The following MAGI2 variants were observed in gnomAD, a reference collection of about 807,000 sequenced individuals.
MAGI2 encodes the protein membrane-associated guanylate kinase, WW and PDZ domain-containing protein 2.
Under a neutral mutation model 133.3 loss-of-function variants are expected in MAGI2, and 35 were observed. That is an observed-to-expected ratio of 0.26 (90% CI 0.20 to 0.35). The LOEUF is 0.35. Among genes scored for constraint, MAGI2 ranks in the 10% least tolerant of loss-of-function variants. The probability of loss-of-function intolerance (pLI) is 1.00; values close to 1 mark genes in which losing one functional copy is unlikely to be tolerated. For missense variants in MAGI2, 1,636 were observed against 1,863.4 expected (o/e 0.88, Z 2.25); for synonymous variants, 729 against 710.6 (o/e 1.03, Z -0.41).
chr7:79,259,078 G>C (rs942841364), intron 1 of MAGI2, among the ~76,000 whole-genome samples: 4 of 152,146 alleles, frequency 2.6e-5, no homozygotes, highest in Non-Finnish European at 4.4e-5. Context: ...TACGTCTTTG[G>C]AAAGATCACC....
intron 4 of MAGI2, among the ~76,000 whole-genome samples, chr7:78,515,603 A>G (rs115093859): frequency 2.2e-4 from 33 of 152,302 alleles, no homozygotes; most frequent in African/African-American, 6.5e-4. Flanking sequence ...CAGAAAAATA[A>G]AAAAAGTCCT....
chr7:79,187,996 T>G (rs1472838448), intron 1 of MAGI2, among the ~76,000 whole-genome samples: 1 of 151,928 alleles, frequency 6.6e-6, no homozygotes, highest in African/African-American at 2.4e-5. Context: ...ATTTGGAGTT[T>G]GCCTCTGTTC....
At chr7:78,162,343 C>T (rs1429240276) in intron 15 of MAGI2, among the ~76,000 whole-genome samples, 2 of 131,360 alleles carry the variant, frequency 1.5e-5, no homozygotes, top group African/African-American at 6.0e-5. Context: ...GAAACCCCGT[C>T]TCTACTAAAA....
At chr7:78,399,412 A>C (rs1322049825) in intron 6 of MAGI2, among the ~76,000 whole-genome samples, 2 of 152,260 alleles carry the variant, frequency 1.3e-5, no homozygotes, top group Non-Finnish European at 2.9e-5. Flanking sequence ...GTTTTTGAAC[A>C]CAGTAGGATT....
intron 20 of MAGI2, among the ~76,000 whole-genome samples, chr7:78,083,021 GT>G (rs1267783956): frequency 6.6e-6 from 1 of 151,528 alleles, no homozygotes; most frequent in African/African-American, 2.4e-5. Flanking sequence ...ACAGCAGGAG[GT>G]GGGGCAAGGG....
At chr7:78,688,210 T>C (rs779732670) in intron 2 of MAGI2, among the ~76,000 whole-genome samples, 8 of 152,106 alleles carry the variant, frequency 5.3e-5, no homozygotes, top group Non-Finnish European at 7.4e-5. Flanking sequence ...AATTACCCAA[T>C]GTAATGATAA....
At chr7:78,570,774 T>G (rs1801420859) in intron 3 of MAGI2, among the ~76,000 whole-genome samples, 1 of 152,174 alleles carries the variant, frequency 6.6e-6, no homozygotes, top group Non-Finnish European at 1.5e-5. Context: ...AAGTGCTTTG[T>G]TCCAGATTAT....
chr7:79,109,722 G>A (rs148835693), intron 1 of MAGI2, among the ~76,000 whole-genome samples: 1 of 152,154 alleles, frequency 6.6e-6, no homozygotes, highest in Non-Finnish European at 1.5e-5. Flanking sequence ...AATTAAGAAG[G>A]AGCTGAGTGC....
At chr7:78,115,274 C>T (rs1354776524) in intron 20 of MAGI2, among the ~76,000 whole-genome samples, 1 of 151,058 alleles carries the variant, frequency 6.6e-6, no homozygotes, top group African/African-American at 2.4e-5. Context: ...ACCGGAACCC[C>T]AAAGAACAAT....
chr7:78,159,977 A>C (rs759559106), intron 16 of MAGI2, 48 bp downstream of exon 16: 1 of 1,518,356 alleles, frequency 6.6e-7, no homozygotes, highest in Non-Finnish European at 8.8e-7. Context: ...ACTGGAACAA[A>C]TCAAAACAAG....
chr7:78,426,503 G>A (rs1196088471), intron 6 of MAGI2, among the ~76,000 whole-genome samples: 1 of 152,042 alleles, frequency 6.6e-6, no homozygotes, highest in Admixed American at 6.6e-5. Flanking sequence ...TATACCTAAT[G>A]CTAGATGACG....
chr7:78,712,340 G>C (rs1300070696), intron 2 of MAGI2, among the ~76,000 whole-genome samples: 1 of 152,162 alleles, frequency 6.6e-6, no homozygotes, highest in Non-Finnish European at 1.5e-5. Context: ...GGTGTCTTCA[G>C]AAGCTATTTC....
At chr7:78,188,689 G>C (rs1827926003) in intron 12 of MAGI2, among the ~76,000 whole-genome samples, 1 of 152,174 alleles carries the variant, frequency 6.6e-6, no homozygotes, top group Admixed American at 6.5e-5. Context: ...GCTGGGGCTT[G>C]ATCTAGCACA....
rs142185076 is a variant in MAGI2 at position 79,094,443 on chromosome 7, C to T, written c.302-87237G>A. On this transcript the variant is annotated intron_variant, in intron 1 of 21. Transcript: ENST00000354212. ...CAAAGCCATCCATGAGGGTTGGAAT[C>T]AACTTCTTCTGAACTGTTAATGTCA... is the stretch of plus-strand genomic sequence containing the variant. 1.4e-3 allele frequency among the ~76,000 whole-genome samples: 220 copies of T among 152,332 alleles called. 1 individual carries two copies. The highest frequency in any genetic ancestry group is 2.9e-3 in the African/African-American group (119 of 41,586).
intron 6 of MAGI2, among the ~76,000 whole-genome samples, chr7:78,441,377 G>T (rs1421155992): frequency 1.3e-5 from 2 of 152,158 alleles, no homozygotes; most frequent in African/African-American, 4.8e-5. Flanking sequence ...AGAGAAAAGG[G>T]TTACATTATC....
chr7:79,349,706 T>C (rs1841567218), intron 1 of MAGI2, among the ~76,000 whole-genome samples: 1 of 152,086 alleles, frequency 6.6e-6, no homozygotes, highest in African/African-American at 2.4e-5. Flanking sequence ...CACATCCTAC[T>C]GACCCTTTTC....
chr7:79,160,504 T>C (rs530020369), intron 1 of MAGI2, among the ~76,000 whole-genome samples: 2 of 152,218 alleles, frequency 1.3e-5, no homozygotes, highest in South Asian at 4.1e-4. Flanking sequence ...AAATCTTTAC[T>C]ATAGTGAGTT....
At chr7:79,210,140 C>T (rs957388304) in intron 1 of MAGI2, among the ~76,000 whole-genome samples, 7 of 151,856 alleles carry the variant, frequency 4.6e-5, no homozygotes, top group Non-Finnish European at 7.4e-5. Context: ...TTGAATTTTC[C>T]TGTTGGCATA....
chr7:78,185,672 TG>T lies in MAGI2; in HGVS notation c.2270-3del. On this transcript the variant is annotated splice_polypyrimidine_tract_variant and splice_region_variant and intron_variant, in intron 12 of 21. Coordinates refer to ENST00000354212, the MANE Select transcript of MAGI2 (RefSeq NM_012301.4). ...AACTGGTCCTGGGTGGCACTTGTTCTGGATGGGAAAATGGGGAATTAAAGTT... is the reference window on the plus strand; with the variant it reads ...AACTGGTCCTGGGTGGCACTTGTTCTGATGGGAAAATGGGGAATTAAAGTT... 6.4e-7 allele frequency: 1 copy of T among 1,573,524 alleles called. No individual in the cohort carries two copies.
Sources: gnomAD v4.1 joint callset for allele counts (sites outside exome capture counted in the v4.1 genomes callset) on GRCh38, gnomAD v4.1.1 for gene constraint, MANE v1.5 for transcripts, NCBI Gene and HGNC (gene_info 2026-07-23, HGNC 2026-07-21) for gene names.